CAMK2B: variants seen among roughly 807,000 people sequenced by gnomAD.
CAMK2B encodes calcium/calmodulin-dependent protein kinase type II subunit beta.
In CAMK2B, 27 loss-of-function variants were observed where a neutral mutation model predicts 93.7. The observed-to-expected ratio is 0.29, with a 90% CI of 0.21 to 0.40. CAMK2B has a LOEUF of 0.40. Among genes scored for constraint, CAMK2B ranks in the 10% least tolerant of loss-of-function variants. The probability of loss-of-function intolerance (pLI) is 1.00; values close to 1 mark genes in which losing one functional copy is unlikely to be tolerated. For missense variants in CAMK2B, 568 were observed against 895.8 expected (o/e 0.63, Z 4.67); for synonymous variants, 374 against 358.8 (o/e 1.04, Z -0.48).
At chr7:44,289,844 C>T (rs1424149557) in intron 1 of CAMK2B, among the ~76,000 whole-genome samples, 2 of 152,236 alleles carry the variant, frequency 1.3e-5, no homozygotes, top group Admixed American at 6.5e-5. Flanking sequence ...GCCTCTGAGT[C>T]GGCCCACTCA....
At chr7:44,255,559 C>G (rs1013316029) in intron 4 of CAMK2B, among the ~76,000 whole-genome samples, 8 of 152,186 alleles carry the variant, frequency 5.3e-5, no homozygotes, top group African/African-American at 1.9e-4. Flanking sequence ...GGTCCAAGCC[C>G]CTCCTCTGCC....
At chr7:44,265,274 A>C (rs1382485641) in intron 2 of CAMK2B, among the ~76,000 whole-genome samples, 1 of 152,160 alleles carries the variant, frequency 6.6e-6, no homozygotes, top group Admixed American at 6.5e-5. Flanking sequence ...TCCCTTCCAT[A>C]ATCTCAGTGC....
intron 14 of CAMK2B, 50 bp from the exon 15 acceptor site, chr7:44,234,511 G>T: frequency 1.3e-6 from 2 of 1,573,548 alleles, no homozygotes; most frequent in Non-Finnish European, 1.7e-6. Flanking sequence ...CCCCTCACTC[G>T]CCATTCCCTG....
chr7:44,249,052 T>A (rs1272427280), intron 5 of CAMK2B, among the ~76,000 whole-genome samples: 1 of 152,128 alleles, frequency 6.6e-6, no homozygotes, highest in African/African-American at 2.4e-5. Flanking sequence ...CTTCCTGGCC[T>A]CTCTTCTGCT....
intron 2 of CAMK2B, among the ~76,000 whole-genome samples, chr7:44,276,931 G>C (rs1412984936): frequency 6.6e-6 from 1 of 152,198 alleles, no homozygotes; most frequent in Non-Finnish European, 1.5e-5. Context: ...TCAGAGGGTG[G>C]GAGGACATGA....
intron 1 of CAMK2B, among the ~76,000 whole-genome samples, chr7:44,295,256 A>G (rs1417541429): frequency 1.3e-5 from 2 of 152,268 alleles, no homozygotes; most frequent in Non-Finnish European, 2.9e-5. Flanking sequence ...ACATTGGTCT[A>G]GCATGTGAGA....
chr7:44,316,384 T>C (rs1794841938), intron 1 of CAMK2B, among the ~76,000 whole-genome samples: 1 of 152,240 alleles, frequency 6.6e-6, no homozygotes, highest in Non-Finnish European at 1.5e-5. Flanking sequence ...TACTTGTTCA[T>C]AATGTATAAA....
chr7:44,226,260 G>T (rs993557753), intron 20 of CAMK2B, among the ~76,000 whole-genome samples: 62 of 150,976 alleles, frequency 4.1e-4, no homozygotes, highest in African/African-American at 1.5e-3. Context: ...GAATGCTGGG[G>T]TCGGCAACAA....
At chr7:44,284,289 C>T (rs1784486757) in intron 1 of CAMK2B, 64 bp from the exon 2 acceptor site, 4 of 1,161,622 alleles carry the variant, frequency 3.4e-6, no homozygotes, top group Middle Eastern at 1.9e-4. Flanking sequence ...AGAGAGAGAG[C>T]CGATTAATCT....
intron 1 of CAMK2B, among the ~76,000 whole-genome samples, chr7:44,309,860 T>C (rs548938764): frequency 6.6e-6 from 1 of 152,350 alleles, no homozygotes; most frequent in Admixed American, 6.5e-5. Context: ...TGCAGCGACC[T>C]TCAAAGGCGG....
At chr7:44,266,608 C>T (rs2096923502) in intron 2 of CAMK2B, among the ~76,000 whole-genome samples, 1 of 152,172 alleles carries the variant, frequency 6.6e-6, no homozygotes, top group Non-Finnish European at 1.5e-5. Context: ...CTCAGGAGAC[C>T]AGAGCAGTGG....
At position 44,311,650 on chromosome 7, in the gene CAMK2B, A is replaced by G. The variant is rs1352210913; in HGVS notation, c.65+13707T>C. On this transcript the variant is annotated intron_variant, in intron 1 of 23. Coordinates refer to ENST00000395749, the MANE Select transcript of CAMK2B (RefSeq NM_001220.5). This position sits in a 1 kb window ranked among gnomAD's most constrained non-coding sequence, Gnocchi z 4.2. ...CCAGAGGGGCTGTCCTGCCCCTGCG[A>G]GCACCACAGCCTGGCTCTGCGGTTC... 6.6e-6 allele frequency among the ~76,000 whole-genome samples: 1 copy of G among 152,232 alleles called. No individual in the cohort carries two copies. Among genetic ancestry groups the G allele is most frequent in the East Asian group, 1.9e-4 (1 of 5,178 alleles).
At chr7:44,226,013 C>T (rs1056491723) in intron 20 of CAMK2B, 3 of 891,496 alleles carry the variant, frequency 3.4e-6, no homozygotes, top group Non-Finnish European at 4.6e-6. Context: ...TTCAGCCTGG[C>T]CCCAGCTGCC....
chr7:44,280,831 T>C (rs548176169), intron 2 of CAMK2B, among the ~76,000 whole-genome samples: 2 of 151,916 alleles, frequency 1.3e-5, no homozygotes, highest in Non-Finnish European at 2.9e-5. Context: ...GCAGCGCAAC[T>C]CCACTTTCAG....
At chr7:44,297,736 T>C (rs953171980) in intron 1 of CAMK2B, among the ~76,000 whole-genome samples, 1 of 152,182 alleles carries the variant, frequency 6.6e-6, no homozygotes, top group African/African-American at 2.4e-5. Context: ...CATCTTAAAA[T>C]TGATATGGAA....
chr7:44,282,836 G>T (rs769849895), intron 2 of CAMK2B, among the ~76,000 whole-genome samples: 3 of 152,136 alleles, frequency 2.0e-5, no homozygotes, highest in Non-Finnish European at 4.4e-5. Flanking sequence ...CCCACATTAG[G>T]CCCTCAGCAT....
chr7:44,269,175 C>T (rs1319986441), intron 2 of CAMK2B, among the ~76,000 whole-genome samples: 1 of 152,202 alleles, frequency 6.6e-6, no homozygotes, highest in Non-Finnish European at 1.5e-5. Context: ...AACTGAGGCA[C>T]AGAGAGGAGC....
intron 1 of CAMK2B, among the ~76,000 whole-genome samples, chr7:44,296,416 GACAAA>G (rs1788331741): frequency 6.6e-6 from 1 of 151,856 alleles, no homozygotes. Context: ...GAATGAAAAA[GACAAA>G]ACAAAATAAT....
chr7:44,305,481 T>G (rs1040169798), intron 1 of CAMK2B, among the ~76,000 whole-genome samples: 15 of 152,078 alleles, frequency 9.9e-5, no homozygotes, highest in African/African-American at 3.6e-4. Flanking sequence ...AGCCCCAGTC[T>G]CAAAAACAAA....
Sources: gnomAD v4.1 joint callset for allele counts (sites outside exome capture counted in the v4.1 genomes callset) on GRCh38, gnomAD v4.1.1 for gene constraint, Gnocchi (gnomAD v3.1) non-coding constraint, MANE v1.5 for transcripts, NCBI Gene and HGNC (gene_info 2026-07-23, HGNC 2026-07-21) for gene names.